Variants in ADAMTS17 observed in about 807,000 individuals in gnomAD.
ADAMTS17 encodes the protein ADAM metallopeptidase with thrombospondin type 1 motif 17.
ADAMTS17 carries 113 observed loss-of-function variants against 141.5 expected under a neutral mutation model. The observed-to-expected ratio is 0.80, with a 90% CI of 0.69 to 0.93. The LOEUF is 0.93. Among genes scored for constraint, ADAMTS17 ranks in the 40% least tolerant of loss-of-function variants. ADAMTS17 has a pLI of 0.00. For missense variants in ADAMTS17, 1,659 were observed against 1,517.9 expected, an observed-to-expected ratio of 1.09 and a Z score of -1.54; for synonymous variants, 768 against 630.6, an observed-to-expected ratio of 1.22 and a Z score of -3.27.
intron 13 of ADAMTS17, among the ~76,000 whole-genome samples, chr15:100,112,549 T>C (rs1472311779): frequency 6.6e-6 from 1 of 152,152 alleles, no homozygotes; most frequent in African/African-American, 2.4e-5. Context: ...GAGATTAATC[T>C]CCAGGAACAA....
chr15:100,272,274 A>G (rs1003198371), intron 4 of ADAMTS17, among the ~76,000 whole-genome samples: 1 of 152,168 alleles, frequency 6.6e-6, no homozygotes, highest in Admixed American at 6.5e-5. Flanking sequence ...ATTGCATTGA[A>G]TCTGTAAACT....
intron 7 of ADAMTS17, among the ~76,000 whole-genome samples, chr15:100,229,696 G>A (rs776833180): frequency 6.6e-6 from 1 of 152,164 alleles, no homozygotes; most frequent in Non-Finnish European, 1.5e-5. Flanking sequence ...ATGCTGACAC[G>A]CCTCCTCCCA....
At chr15:100,041,962 C>T (rs1297614688) in intron 18 of ADAMTS17, among the ~76,000 whole-genome samples, 1 of 152,198 alleles carries the variant, frequency 6.6e-6, no homozygotes, top group African/African-American at 2.4e-5. Flanking sequence ...GGCTCTTTCA[C>T]CTTGCCAGGT....
At chr15:100,220,276 C>G (rs575157541) in intron 7 of ADAMTS17, among the ~76,000 whole-genome samples, 5 of 152,152 alleles carry the variant, frequency 3.3e-5, no homozygotes, top group African/African-American at 9.7e-5. Flanking sequence ...ATGTCACCAG[C>G]GCCTCCTGTG....
At chr15:100,303,682 A>T (rs1418064937) in intron 3 of ADAMTS17, among the ~76,000 whole-genome samples, 2 of 152,102 alleles carry the variant, frequency 1.3e-5, no homozygotes, top group Non-Finnish European at 2.9e-5. Flanking sequence ...CACTCTGCTC[A>T]ACAGTTTTAA....
intron 15 of ADAMTS17, among the ~76,000 whole-genome samples, chr15:100,076,521 T>C (rs1320614260): frequency 1.3e-5 from 2 of 152,198 alleles, no homozygotes; most frequent in South Asian, 2.1e-4. Context: ...ATAGATCCTG[T>C]GCTGGTAAAT....
chr15:100,112,331 A>G (rs569406457), intron 13 of ADAMTS17, among the ~76,000 whole-genome samples: 1 of 152,232 alleles, frequency 6.6e-6, no homozygotes, highest in South Asian at 2.1e-4. Flanking sequence ...TCCAGAACAG[A>G]GTCTAGAGGT....
intron 8 of ADAMTS17, among the ~76,000 whole-genome samples, chr15:100,187,241 C>G (rs2040751956): frequency 6.6e-6 from 1 of 152,210 alleles, no homozygotes. Context: ...AGCGTGCCCA[C>G]TGTGTTCAAA....
intron 20 of ADAMTS17, 72 bp downstream of exon 20, chr15:99,992,976 A>G (rs534452190): frequency 1.3e-6 from 2 of 1,596,954 alleles, no homozygotes; most frequent in Non-Finnish European, 1.7e-6. Flanking sequence ...GACCCGTCAC[A>G]AGAGCTGAGT....
At chr15:100,321,966 G>A (rs149725474) in intron 3 of ADAMTS17, among the ~76,000 whole-genome samples, 12 of 152,250 alleles carry the variant, frequency 7.9e-5, no homozygotes, top group South Asian at 4.1e-4. Context: ...TCTAGGCCAC[G>A]ATGCAAATCT....
At chr15:100,257,652 T>C (rs562055410) in intron 6 of ADAMTS17, among the ~76,000 whole-genome samples, 33 of 152,348 alleles carry the variant, frequency 2.2e-4, no homozygotes, top group African/African-American at 7.9e-4. Context: ...ACATTGCCCA[T>C]GCCCCCAGCA....
At chr15:100,026,101 C>G (rs990111202) in intron 18 of ADAMTS17, among the ~76,000 whole-genome samples, 10 of 152,316 alleles carry the variant, frequency 6.6e-5, no homozygotes, top group African/African-American at 2.4e-4. Flanking sequence ...ATTCTGACTC[C>G]TACCATCACA....
chr15:100,066,612 G>A (rs2033550121), intron 15 of ADAMTS17, among the ~76,000 whole-genome samples: 1 of 152,120 alleles, frequency 6.6e-6, no homozygotes, highest in South Asian at 2.1e-4. Context: ...GAGAAATGGT[G>A]TTCTTGGGCA....
intron 20 of ADAMTS17, chr15:99,976,443 G>C: frequency 3.0e-6 from 2 of 659,222 alleles, no homozygotes; most frequent in Middle Eastern, 4.0e-4. Context: ...TCACAATGTG[G>C]CTGCCCCTGG....
At chr15:100,074,508 T>C (rs1047518647) in intron 15 of ADAMTS17, among the ~76,000 whole-genome samples, 5 of 152,086 alleles carry the variant, frequency 3.3e-5, no homozygotes, top group Admixed American at 2.0e-4. Flanking sequence ...TCACACCTTG[T>C]TCTATTAACA....
intron 10 of ADAMTS17, among the ~76,000 whole-genome samples, chr15:100,146,110 T>C (rs1015989403): frequency 5.6e-4 from 86 of 152,240 alleles, no homozygotes; most frequent in African/African-American, 1.6e-3. Context: ...GAGGTGGAGG[T>C]TGCACTGAGC....
At chr15:100,236,018 A>G (rs914424688) in intron 7 of ADAMTS17, among the ~76,000 whole-genome samples, 3 of 152,110 alleles carry the variant, frequency 2.0e-5, no homozygotes, top group African/African-American at 7.2e-5. Flanking sequence ...TTTGGGGTAA[A>G]TTCGATTCCT....
chr15:100,040,559 G>C (rs941101421), intron 18 of ADAMTS17, among the ~76,000 whole-genome samples: 3 of 152,036 alleles, frequency 2.0e-5, no homozygotes, highest in African/African-American at 7.3e-5. Flanking sequence ...CTCTTTTGAT[G>C]GGTTGCAGAG....
At chr15:100,053,767 G>A (rs1026684523) in intron 16 of ADAMTS17, 130 bp downstream of exon 16, 81 of 1,335,058 alleles carry the variant, frequency 6.1e-5, no homozygotes, top group South Asian at 4.7e-5. Context: ...AGCAGGGGAC[G>A]GCATAAACCC....
Sources: gnomAD v4.1 joint callset for allele counts (sites outside exome capture counted in the v4.1 genomes callset) on GRCh38, gnomAD v4.1.1 for gene constraint, MANE v1.5 for transcripts, NCBI Gene and HGNC (gene_info 2026-07-23, HGNC 2026-07-21) for gene names.